The following MDN1 variants were observed in gnomAD, a reference collection of about 807,000 sequenced individuals.
MDN1 encodes midasin.
MDN1 carries 266 observed loss-of-function variants against 669.2 expected under a neutral mutation model. That is an observed-to-expected ratio of 0.40 (90% CI 0.36 to 0.44). MDN1 has a LOEUF of 0.44. Among genes scored for constraint, MDN1 ranks in the 20% least tolerant of loss-of-function variants. The pLI, the probability that MDN1 is intolerant of heterozygous loss-of-function variation, is 1.00. For missense variants in MDN1, 5,940 were observed against 6,754.0 expected, an observed-to-expected ratio of 0.88 and a Z score of 4.22; for synonymous variants, 2,385 against 2,457.1, an observed-to-expected ratio of 0.97 and a Z score of 0.87.
chr6:89,761,219 T>C (rs1817529776), intron 17 of MDN1, among the ~76,000 whole-genome samples: 1 of 152,114 alleles, frequency 6.6e-6, no homozygotes, highest in African/African-American at 2.4e-5. Flanking sequence ...AAAATAAGCT[T>C]TCTTCCCTTT....
chr6:89,686,525 T>C (rs926375627), intron 69 of MDN1, among the ~76,000 whole-genome samples: 1 of 152,220 alleles, frequency 6.6e-6, no homozygotes, highest in Non-Finnish European at 1.5e-5. Context: ...AAATGAATTA[T>C]AAGGTGCTTG....
At chr6:89,646,909 C>T (rs2082692463) in intron 99 of MDN1, among the ~76,000 whole-genome samples, 2 of 152,170 alleles carry the variant, frequency 1.3e-5, no homozygotes, top group South Asian at 4.1e-4. Context: ...CAGCCTGCCG[C>T]CAAGTAACTA....
rs967862537 is a variant in MDN1, at chr6:89,713,237, G to A, written c.7129C>T (p.Leu2377=). Reference sequence around the variant, plus strand: ...CTGTCTAAACTCAGCCCTCGCTGCAGGTACTGGACAATTAGTATGGCTGTC... The same window carrying A: ...CTGTCTAAACTCAGCCCTCGCTGCAAGTACTGGACAATTAGTATGGCTGTC... ...IQTAILIVQY[L]QRGLSLDRAF... The change falls in exon 47 of 102, where the codon CTG becomes TTG. Residue 2377 remains leucine, a synonymous_variant. Transcript: ENST00000369393. 2.5e-6 allele frequency: 4 copies of A among 1,613,988 alleles called. No homozygotes were observed. The African/African-American group carries it at 4.0e-5, about 16-fold the overall frequency.
At chr6:89,779,130 G>A (rs940575908) in intron 11 of MDN1, among the ~76,000 whole-genome samples, 18 of 151,986 alleles carry the variant, frequency 1.2e-4, no homozygotes, top group African/African-American at 4.3e-4. Context: ...ATGGAATAAG[G>A]GGGGAAAAGA....
chr6:89,699,984 T>C, intron 57 of MDN1, 79 bp downstream of exon 57: 1 of 1,365,854 alleles, frequency 7.3e-7, no homozygotes, highest in Non-Finnish European at 1.0e-6. Flanking sequence ...AAGTCTGTGG[T>C]TTGTTTATGG....
chr6:89,811,384 G>T (rs1375077871), intron 1 of MDN1, among the ~76,000 whole-genome samples: 2 of 151,960 alleles, frequency 1.3e-5, no homozygotes, highest in African/African-American at 4.8e-5. Context: ...ATGTCAGCTG[G>T]CTTGCTATTG....
chr6:89,760,574 C>T (rs771187253), intron 17 of MDN1, among the ~76,000 whole-genome samples: 2 of 152,036 alleles, frequency 1.3e-5, no homozygotes, highest in Non-Finnish European at 2.9e-5. Context: ...ATAGAATCAA[C>T]CTATGTCTCC....
rs769607460 is a variant in MDN1, at chr6:89,818,234, G to A, written c.102+1272C>T. ...CTCGGGAGGTTGAGACAGAAGAATC[G>A]CTTGAACTCGAGAGGCGGAGGTTGC... On this transcript the variant is annotated intron_variant, in intron 1 of 101. Transcript: ENST00000369393. Among the ~76,000 whole-genome samples the A allele has an allele frequency of 8.9e-5, 13 of 145,858 alleles. 1 individual carries two copies. The highest frequency in any genetic ancestry group is 4.3e-4 in the South Asian group (2 of 4,622).
chr6:89,743,701 T>C lies in MDN1; in HGVS notation c.4192A>G (p.Thr1398Ala). ...AAGGCTGCAAATACCTGACAGATAG[T>C]AGTTTTCCCACACCTGTTAGAGATG... The part of the protein sequence containing the change: ...LVGDTGCGKT[T>A]ICQVFAALAN... Residue 1398 changes from threonine to alanine, a missense_variant, in exon 30 of 102, where the codon ACT becomes GCT. Thr to Ala is a moderately conservative substitution (Grantham distance 58). Around this residue, in one of 5 missense-constraint regions of MDN1, gnomAD observed 2,292 missense variants for 2,638.3 expected, o/e 0.87. Coordinates refer to ENST00000369393, the MANE Select transcript of MDN1 (RefSeq NM_014611.3). 2 of 1,614,064 alleles carry C rather than the reference T, an allele frequency of 1.2e-6. No homozygotes were observed. Among genetic ancestry groups the C allele is most frequent in the East Asian group, 2.2e-5 (1 of 44,878 alleles).
At chr6:89,801,660 C>G (rs868375598) in intron 2 of MDN1, among the ~76,000 whole-genome samples, 1 of 140,930 alleles carries the variant, frequency 7.1e-6, no homozygotes, top group African/African-American at 2.7e-5. Context: ...AAAAAAAAAA[C>G]AAAACAAAAC....
At position 89,692,451 on chromosome 6, in the gene MDN1, C is replaced by A. The variant is rs779769811; in HGVS notation, c.10579G>T (p.Val3527Leu). 6.2e-7 allele frequency: 1 copy of A among 1,607,850 alleles called. No homozygotes were observed. The highest frequency in any genetic ancestry group is 2.2e-5 in the East Asian group (1 of 44,794). Residue 3527 changes from valine (V) to leucine (L), a missense_variant, in exon 63 of 102, where the codon GTG (valine) becomes TTG (leucine). This residue lies in a region of MDN1 where 2,280 missense variants were observed against 2,576.3 expected (regional missense o/e 0.88). Transcript: ENST00000369393. ...TCCCAGAGATGGCTCACCTGACACACATGTCTGAAGAGCTGCAGGGCCCTC... is the reference window on the plus strand; with the variant it reads ...TCCCAGAGATGGCTCACCTGACACAAATGTCTGAAGAGCTGCAGGGCCCTC... ...DQRALQLFRH[V>L]CQEIISEWDE... is the part of the protein sequence containing the mutation.
chr6:89,800,040 A>C (rs1258700131), intron 2 of MDN1, among the ~76,000 whole-genome samples: 3 of 152,164 alleles, frequency 2.0e-5, no homozygotes, highest in Non-Finnish European at 2.9e-5. Context: ...ACTGCCAGAG[A>C]GGAGAAAGGG....
chr6:89,719,290 T>C, intron 40 of MDN1, 65 bp from the exon 41 acceptor site: 1 of 1,340,046 alleles, frequency 7.5e-7, no homozygotes, highest in Non-Finnish European at 1.1e-6. Context: ...GCAAACTTTC[T>C]AGAAAACAAG....
intron 10 of MDN1, among the ~76,000 whole-genome samples, chr6:89,781,039 T>A (rs188222824): frequency 6.6e-6 from 1 of 151,744 alleles, no homozygotes; most frequent in Non-Finnish European, 1.5e-5. Context: ...GATAGCGAAA[T>A]CCAAGAAGAC....
At chr6:89,685,045 G>C (rs1423065461) in intron 70 of MDN1, 60 bp from the exon 71 acceptor site, 4 of 1,143,294 alleles carry the variant, frequency 3.5e-6, no homozygotes, top group East Asian at 2.4e-5. Context: ...ACTGGTGCCA[G>C]CTGTGGCCTT....
chr6:89,670,162 A>ATTTTTTTTTTTTT (rs1562061975), intron 83 of MDN1, among the ~76,000 whole-genome samples: 1 of 22,290 alleles, frequency 4.5e-5, no homozygotes. Context: ...ATATATATAT[A>ATTTTTTTTTTTTT]TATATATATT....
chr6:89,786,771 C>G (rs1818982994), intron 8 of MDN1, among the ~76,000 whole-genome samples: 1 of 151,544 alleles, frequency 6.6e-6, no homozygotes, highest in South Asian at 2.1e-4. Flanking sequence ...ACTAAAAATA[C>G]AAAAATTAGC....
Position 89,804,649 on chromosome 6 carries a change from AAGC to A in MDN1, c.103-1098_103-1096del, listed in dbSNP as rs1390460025. ...GGGAGTGAATGAGGATATCCCTATCAAGCTGATCAAGGCATCAGCCTCTAATAA... is the reference window on the plus strand; with the variant it reads ...GGGAGTGAATGAGGATATCCCTATCATGATCAAGGCATCAGCCTCTAATAA... On this transcript the variant is annotated intron_variant, in intron 1 of 101. Transcript: ENST00000369393. Among the ~76,000 whole-genome samples the A allele has an allele frequency of 2.0e-5, 3 of 152,176 alleles. No homozygotes were observed. In the East Asian group the frequency reaches 5.8e-4, roughly 29 times the overall value.
chr6:89,743,642 G>A lies in MDN1; in HGVS notation c.4251C>T (p.His1417=), dbSNP rs115654007. Reference sequence around the variant, plus strand: ...GGAAGTCTGATGTCTCCATGTGTAAGTGGCAGCTGACAGAGTATAATTTCT... The same window carrying A: ...GGAAGTCTGATGTCTCCATGTGTAAATGGCAGCTGACAGAGTATAATTTCT... The part of the protein sequence containing the change: ...ANQKLYSVSC[H]LHMETSDFLG... Residue 1417 remains histidine, a synonymous_variant, in exon 30 of 102, where the codon CAC becomes CAT. Transcript: ENST00000369393. 16 of 1,614,018 alleles carry A rather than the reference G, an allele frequency of 9.9e-6. No homozygotes were observed. Among genetic ancestry groups the A allele is most frequent in the African/African-American group, 1.3e-5 (1 of 74,928 alleles).
Sources: gnomAD v4.1 joint callset for allele counts (sites outside exome capture counted in the v4.1 genomes callset) on GRCh38, gnomAD v4.1.1 for gene constraint, gnomAD v4.1.1 regional missense constraint, MANE v1.5 for transcripts, NCBI Gene and HGNC (gene_info 2026-07-23, HGNC 2026-07-21) for gene names.